The following RAD51B variants were observed in gnomAD, a reference collection of about 807,000 sequenced individuals.
RAD51B encodes RAD51 paralog B.
In RAD51B, 38 loss-of-function variants were observed where a neutral mutation model predicts 42.2. The ratio of observed to expected loss-of-function variants is 0.90; its 90% CI spans 0.70 to 1.18. RAD51B has a LOEUF of 1.18. Ranked by LOEUF, RAD51B falls within the 50% of genes most tolerant of loss-of-function variation. RAD51B has a pLI of 0.00. For missense variants in RAD51B, 373 were observed against 400.7 expected, an observed-to-expected ratio of 0.93 and a Z score of 0.59; for synonymous variants, 154 against 145.2, an observed-to-expected ratio of 1.06 and a Z score of -0.43.
intron 7 of RAD51B, among the ~76,000 whole-genome samples, chr14:68,200,877 C>A (rs2079470926): frequency 6.6e-6 from 1 of 151,996 alleles, no homozygotes; most frequent in Non-Finnish European, 1.5e-5. Flanking sequence ...AGGCCGGTCT[C>A]AAACTCCTGG....
At chr14:68,271,116 TC>T (rs1300925922) in intron 7 of RAD51B, among the ~76,000 whole-genome samples, 2 of 152,198 alleles carry the variant, frequency 1.3e-5, no homozygotes, top group Admixed American at 6.5e-5. Context: ...CTAGTTTGTT[TC>T]CCATAGTAAT....
At chr14:68,115,309 A>G (rs1198669921) in intron 7 of RAD51B, among the ~76,000 whole-genome samples, 1 of 130,256 alleles carries the variant, frequency 7.7e-6, no homozygotes, top group Non-Finnish European at 1.5e-5. Context: ...AAAACCAAAC[A>G]CGGCATATTC....
intron 8 of RAD51B, among the ~76,000 whole-genome samples, chr14:68,347,467 A>C (rs1396151659): frequency 1.3e-5 from 2 of 152,196 alleles, no homozygotes; most frequent in Non-Finnish European, 1.5e-5. Flanking sequence ...GGATCGCTTA[A>C]GCCCAGGAGT....
intron 7 of RAD51B, among the ~76,000 whole-genome samples, chr14:68,241,258 A>G (rs556119185): frequency 1.6e-4 from 24 of 152,284 alleles, no homozygotes; most frequent in African/African-American, 5.8e-4. Flanking sequence ...TAAATTGTCA[A>G]TCAGGCGGGC....
intron 10 of RAD51B, among the ~76,000 whole-genome samples, chr14:68,537,141 A>G (rs1455406988): frequency 6.6e-6 from 1 of 150,972 alleles, no homozygotes; most frequent in Non-Finnish European, 1.5e-5. Flanking sequence ...TGACTGTCAC[A>G]ATAATAGCAC....
chr14:68,465,350 T>C (rs2085948487), intron 9 of RAD51B, among the ~76,000 whole-genome samples: 1 of 152,200 alleles, frequency 6.6e-6, no homozygotes, highest in South Asian at 2.1e-4. Flanking sequence ...ACTGAATTAT[T>C]GGAGTTGCTT....
At chr14:68,660,925 A>C (rs994934636) in intron 11 of RAD51B, among the ~76,000 whole-genome samples, 1 of 152,178 alleles carries the variant, frequency 6.6e-6, no homozygotes, top group East Asian at 1.9e-4. Context: ...GCTTGCTAAG[A>C]AAGAGTGGCT....
chr14:67,983,419 T>C (rs568033610), intron 7 of RAD51B, among the ~76,000 whole-genome samples: 1 of 152,226 alleles, frequency 6.6e-6, no homozygotes, highest in Admixed American at 6.5e-5. Flanking sequence ...GGCCTTTTTA[T>C]GTCAATATCA....
Position 68,291,990 on chromosome 14 carries a change from C to T in RAD51B, c.853+10C>T, listed in dbSNP as rs761345622. The T allele has an allele frequency of 9.3e-6, 15 of 1,604,656 alleles. No homozygotes were observed. The highest frequency in any genetic ancestry group is 2.2e-5 in the East Asian group (1 of 44,802). ...TTGTCCCTGTCTGAAGGTAAGGAAT[C>T]TGTCCTGGAGAGGCTGAAACTTGAC... On this transcript the variant is annotated intron_variant, in intron 8 of 10. Coordinates refer to ENST00000471583, the MANE Select transcript of RAD51B (RefSeq NM_133510.4).
intron 11 of RAD51B, among the ~76,000 whole-genome samples, chr14:68,672,276 G>A (rs1011439885): frequency 6.6e-6 from 1 of 152,198 alleles, no homozygotes; most frequent in African/African-American, 2.4e-5. Context: ...TAGTGCTAGG[G>A]AAGGATTTAA....
At chr14:68,024,469 A>G (rs1473127955) in intron 7 of RAD51B, among the ~76,000 whole-genome samples, 1 of 152,206 alleles carries the variant, frequency 6.6e-6, no homozygotes, top group Non-Finnish European at 1.5e-5. Context: ...ATTCATGATC[A>G]TGGAATAATG....
intron 10 of RAD51B, among the ~76,000 whole-genome samples, chr14:68,516,162 T>C (rs949480254): frequency 3.3e-5 from 5 of 152,158 alleles, no homozygotes; most frequent in African/African-American, 1.2e-4. Flanking sequence ...TTAGGATACT[T>C]TGCTATACAG....
At chr14:68,274,091 C>T (rs1343084095) in intron 7 of RAD51B, among the ~76,000 whole-genome samples, 1 of 152,058 alleles carries the variant, frequency 6.6e-6, no homozygotes, top group Non-Finnish European at 1.5e-5. Flanking sequence ...ACTAGTGACC[C>T]CCACATTTCT....
intron 10 of RAD51B, among the ~76,000 whole-genome samples, chr14:68,486,007 G>A (rs930791034): frequency 3.3e-5 from 5 of 152,190 alleles, no homozygotes; most frequent in Non-Finnish European, 5.9e-5. Flanking sequence ...TTATTCATTA[G>A]ATACTATTAC....
chr14:68,291,986 G>C lies in RAD51B; in HGVS notation c.853+6G>C. The C allele has an allele frequency of 6.2e-7, 1 of 1,607,498 alleles. No individual in the cohort carries two copies. The highest frequency in any genetic ancestry group is 8.5e-7 in the Non-Finnish European group (1 of 1,174,072). ...TGATTTGTCCCTGTCTGAAGGTAAG[G>C]AATCTGTCCTGGAGAGGCTGAAACT... On this transcript the variant is annotated splice_donor_region_variant and intron_variant, in intron 8 of 10. Transcript: ENST00000471583.
At chr14:68,536,793 G>A (rs1256863968) in intron 10 of RAD51B, among the ~76,000 whole-genome samples, 1 of 151,894 alleles carries the variant, frequency 6.6e-6, no homozygotes, top group Non-Finnish European at 1.5e-5. Context: ...ATTAAAAATT[G>A]AGACCCAGCC....
intron 10 of RAD51B, among the ~76,000 whole-genome samples, chr14:68,586,679 C>G (rs1438399730): frequency 2.0e-5 from 3 of 152,146 alleles, no homozygotes; most frequent in Non-Finnish European, 4.4e-5. Flanking sequence ...AGCATGTACC[C>G]CATGGAAATC....
chr14:68,370,653 G>C (rs916484199), intron 8 of RAD51B, among the ~76,000 whole-genome samples: 2 of 152,154 alleles, frequency 1.3e-5, no homozygotes, highest in African/African-American at 2.4e-5. Flanking sequence ...AGACTGGGGG[G>C]TGTGGTATAG....
At chr14:68,555,547 T>G (rs1888799471) in intron 10 of RAD51B, among the ~76,000 whole-genome samples, 1 of 152,142 alleles carries the variant, frequency 6.6e-6, no homozygotes, top group Non-Finnish European at 1.5e-5. Context: ...CAGTCTCCCC[T>G]CTTCCACCTG....
Sources: allele counts gnomAD v4.1 joint callset (sites outside exome capture counted in the v4.1 genomes callset), GRCh38; gene constraint gnomAD v4.1.1; transcripts MANE v1.5; gene names NCBI Gene and HGNC (gene_info 2026-07-23, HGNC 2026-07-21).